Variants in MYOM1 observed in about 807,000 individuals in gnomAD.
The protein encoded by MYOM1 is myomesin-1.
A neutral mutation model predicts 205.3 loss-of-function variants in MYOM1; 164 were observed. That is an observed-to-expected ratio of 0.80 (90% confidence interval 0.70 to 0.91). The LOEUF is 0.91. Among genes scored for constraint, MYOM1 ranks in the 40% least tolerant of loss-of-function variants. The probability of loss-of-function intolerance (pLI) is 0.00; values close to 1 mark genes in which losing one functional copy is unlikely to be tolerated. For missense variants in MYOM1, 2,011 were observed against 2,127.3 expected, an observed-to-expected ratio of 0.95 and a Z score of 1.08; for synonymous variants, 772 against 789.4, an observed-to-expected ratio of 0.98 and a Z score of 0.37.
chr18:3,208,377 A>G (rs115632551), intron 2 of MYOM1, among the ~76,000 whole-genome samples: 2,228 of 152,250 alleles, frequency 0.015, 54 homozygotes, highest in African/African-American at 0.05. Flanking sequence ...AACTAGGCAT[A>G]GTGGCACGCG....
intron 5 of MYOM1, among the ~76,000 whole-genome samples, chr18:3,177,438 G>A (rs1166870247): frequency 7.7e-6 from 1 of 129,326 alleles, no homozygotes; most frequent in African/African-American, 3.0e-5. Flanking sequence ...GTTGTTAGAA[G>A]CAATATCATT....
Position 3,112,185 on chromosome 18 carries a change from C to A in MYOM1, c.3418+113G>T, listed in dbSNP as rs944576031. ...AAGATCATTACTTATCAATTATATTCAGATAGCACACATTGATTGTTTTGA... is the reference window on the plus strand; with the variant it reads ...AAGATCATTACTTATCAATTATATTAAGATAGCACACATTGATTGTTTTGA... On this transcript the variant is annotated intron_variant, in intron 22 of 37. Coordinates refer to ENST00000356443, the MANE Select transcript of MYOM1 (RefSeq NM_003803.4). 12 of 774,682 alleles carry A rather than the reference C, an allele frequency of 1.5e-5. No individual in the cohort carries two copies. The South Asian group carries it at 2.1e-4, about 14-fold the overall frequency. 48.0% of individuals were successfully genotyped at this position (774,682 alleles called of 1,614,324 possible).
At chr18:3,070,734 CTTTG>C (rs1278591382) in intron 37 of MYOM1, among the ~76,000 whole-genome samples, 9 of 86,828 alleles carry the variant, frequency 1.0e-4, no homozygotes, top group Admixed American at 9.1e-4. Context: ...GGTGCATGTT[CTTTG>C]TGTGTGTGTG....
At chr18:3,155,768 TAAGA>T (rs2144012872) in intron 10 of MYOM1, among the ~76,000 whole-genome samples, 1 of 152,224 alleles carries the variant, frequency 6.6e-6, no homozygotes, top group East Asian at 1.9e-4. Context: ...TAAGAAAAAC[TAAGA>T]AAGGCTCCCA....
upstream of MYOM1, among the ~76,000 whole-genome samples, chr18:3,220,629 A>T (rs1375057522): frequency 6.6e-6 from 1 of 152,206 alleles, no homozygotes; most frequent in Non-Finnish European, 1.5e-5. Flanking sequence ...GTGACCAATT[A>T]AGAGGAGGTG....
rs554583395 is a variant in MYOM1 at position 3,095,306 on chromosome 18, C to T, written c.3728-1000G>A. ...ATATAAGGCCGGGCATGGTGGCTCA[C>T]GCCTGTAATCCTAATACTTGGGGAG... On this transcript the variant is annotated intron_variant, in intron 25 of 37. Coordinates refer to ENST00000356443, the MANE Select transcript of MYOM1 (RefSeq NM_003803.4). Among the ~76,000 whole-genome samples the T allele has an allele frequency of 1.5e-3, 227 of 152,202 alleles. 3 individuals carry two copies. The highest frequency in any genetic ancestry group is 5.1e-3 in the African/African-American group (213 of 41,522).
chr18:3,219,314 G>A lies in MYOM1; in HGVS notation c.-29+489C>T, dbSNP rs1051349859. Among the ~76,000 whole-genome samples the A allele has an allele frequency of 6.6e-6, 1 of 151,954 alleles. No homozygotes were observed. Among genetic ancestry groups the A allele is most frequent in the African/African-American group, 2.4e-5 (1 of 41,380 alleles). ...CATTTGAGGCCATATCATTGTGCGC[G>A]CTCACATTTATCCACATTGCATCGT... On this transcript the variant is annotated intron_variant, in intron 1 of 37. Transcript: ENST00000356443. The surrounding 1 kb of genome is among the most constrained non-coding windows in gnomAD (Gnocchi z 4.4).
At chr18:3,247,109 C>T in the MYOM1 span, 1 of 152,154 alleles carries the variant, frequency 6.6e-6, no homozygotes, top group African/African-American at 2.4e-5. Flanking sequence ...GGGGCTCTGC[C>T]AGGGAAAAAC....
chr18:3,130,051 C>CTT (rs777671133), intron 17 of MYOM1, among the ~76,000 whole-genome samples: 1 of 144,958 alleles, frequency 6.9e-6, no homozygotes, highest in Admixed American at 7.0e-5. Context: ...TTTCTTTCTT[C>CTT]TTTTTTTTTT....
intron 36 of MYOM1, among the ~76,000 whole-genome samples, chr18:3,072,385 G>C (rs1317093363): frequency 1.5e-5 from 1 of 68,448 alleles, no homozygotes; most frequent in Non-Finnish European, 2.7e-5. Context: ...GCAGAGTCTC[G>C]CTCTGTCACC....
chr18:3,077,802 T>C (rs1473862073), intron 34 of MYOM1, among the ~76,000 whole-genome samples: 2 of 152,164 alleles, frequency 1.3e-5, no homozygotes, highest in Non-Finnish European at 2.9e-5. Context: ...ATGAATCCCC[T>C]GTCACTGTGC....
chr18:3,143,113 G>C (rs978417585), intron 13 of MYOM1, among the ~76,000 whole-genome samples: 1 of 152,120 alleles, frequency 6.6e-6, no homozygotes, highest in Non-Finnish European at 1.5e-5. Flanking sequence ...TGAAAAAACA[G>C]TGATAAAGAG....
chr18:3,208,458 G>A (rs561618946), intron 2 of MYOM1, among the ~76,000 whole-genome samples: 1 of 152,320 alleles, frequency 6.6e-6, no homozygotes, highest in South Asian at 2.1e-4. Context: ...AGGAGGTGGA[G>A]GTTGCAGTGA....
intron 3 of MYOM1, chr18:3,190,396 T>A (rs2080887339): frequency 6.6e-6 from 1 of 152,202 alleles, no homozygotes; most frequent in Non-Finnish European, 1.5e-5. Flanking sequence ...TCCTAGCATC[T>A]AAATCTATGC....
chr18:3,096,218 C>CTG (rs2079301749), intron 25 of MYOM1, among the ~76,000 whole-genome samples: 2 of 152,184 alleles, frequency 1.3e-5, no homozygotes, highest in Admixed American at 6.5e-5. Flanking sequence ...GTTTAACCAG[C>CTG]TGTTTGCAAA....
At chr18:3,177,492 A>G (rs1038007694) in intron 5 of MYOM1, among the ~76,000 whole-genome samples, 3 of 122,114 alleles carry the variant, frequency 2.5e-5, no homozygotes, top group African/African-American at 9.4e-5. Flanking sequence ...ATTATTTGAG[A>G]CAGAGTTTCA....
intron 14 of MYOM1, among the ~76,000 whole-genome samples, chr18:3,136,875 C>T (rs2079974447): frequency 6.6e-6 from 1 of 152,130 alleles, no homozygotes; most frequent in African/African-American, 2.4e-5. Flanking sequence ...GAGCTTTGTT[C>T]ACTGCTTTAT....
chr18:3,169,640 GAC>G (rs2080525766), intron 8 of MYOM1, among the ~76,000 whole-genome samples: 1 of 152,098 alleles, frequency 6.6e-6, no homozygotes, highest in African/African-American at 2.4e-5. Context: ...GTATCCAAAA[GAC>G]AGGCAATAAC....
intron 10 of MYOM1, among the ~76,000 whole-genome samples, chr18:3,155,503 C>G (rs7504276): frequency 1.3e-5 from 2 of 152,174 alleles, no homozygotes; most frequent in African/African-American, 4.8e-5. Flanking sequence ...GGATTACAGG[C>G]GTGAGCCATC....
Sources: gnomAD v4.1 joint callset for allele counts (sites outside exome capture counted in the v4.1 genomes callset) on GRCh38, gnomAD v4.1.1 for gene constraint, Gnocchi (gnomAD v3.1) non-coding constraint, MANE v1.5 for transcripts, NCBI Gene and HGNC (gene_info 2026-07-23, HGNC 2026-07-21) for gene names.